Variants in LARP4B observed in about 807,000 individuals in gnomAD.
LARP4B encodes the protein La ribonucleoprotein 4B, also known as la-related protein 4B.
Under a neutral mutation model 89.8 loss-of-function variants are expected in LARP4B, and 12 were observed. The observed-to-expected ratio is 0.13, with a 90% CI of 0.09 to 0.22. The LOEUF is 0.22. LARP4B is among the 10% of genes least tolerant of loss of function. LARP4B has a pLI of 1.00. For missense variants in LARP4B, 757 were observed against 947.7 expected (o/e 0.80, Z 2.64); for synonymous variants, 367 against 363.3 (o/e 1.01, Z -0.12).
intron 3 of LARP4B, among the ~76,000 whole-genome samples, chr10:879,756 C>T (rs1359546932): frequency 1.3e-5 from 2 of 151,954 alleles, no homozygotes; most frequent in Non-Finnish European, 2.9e-5. Context: ...GTGTGAGCCA[C>T]TACATCCGGC....
At chr10:947,812 A>G in the LARP4B span, among the ~76,000 whole-genome samples, 1 of 152,054 alleles carries the variant, frequency 6.6e-6, no homozygotes. Context: ...TAGTAGAGAC[A>G]GGGTTTCTCC....
At chr10:969,591 G>A in the LARP4B span, among the ~76,000 whole-genome samples, 5 of 152,090 alleles carry the variant, frequency 3.3e-5, no homozygotes, top group African/African-American at 1.2e-4. Context: ...TTAGCCAGGC[G>A]TGGTGGCACA....
At chr10:888,439 CA>C (rs1261512734) in intron 1 of LARP4B, among the ~76,000 whole-genome samples, 2 of 151,878 alleles carry the variant, frequency 1.3e-5, no homozygotes, top group Admixed American at 1.3e-4. Flanking sequence ...ATGCTAAATT[CA>C]GATATATTTA....
Position 836,522 on chromosome 10 carries a change from A to C in LARP4B, c.647-16T>G, listed in dbSNP as rs1564394697. Reference sequence around the variant, plus strand: ...AAAGGTAAAGCTACAAAGAGAAGAAAAATCAATGGTGAAACAAAAATATTA... The same window carrying C: ...AAAGGTAAAGCTACAAAGAGAAGAACAATCAATGGTGAAACAAAAATATTA... On this transcript the variant is annotated splice_polypyrimidine_tract_variant and intron_variant, in intron 7 of 17. Coordinates refer to ENST00000316157, the MANE Select transcript of LARP4B (RefSeq NM_015155.3). 2 of 1,505,764 alleles carry C rather than the reference A, an allele frequency of 1.3e-6. No individual in the cohort carries two copies. Among genetic ancestry groups the C allele is most frequent in the African/African-American group, 1.4e-5 (1 of 72,532 alleles). 93.3% of individuals were successfully genotyped at this position (1,505,764 alleles called of 1,614,324 possible). A position where few individuals can be genotyped will look rare whatever the true frequency, so the allele number is the denominator to read the frequency against.
intron 3 of LARP4B, among the ~76,000 whole-genome samples, chr10:867,166 A>G (rs1467755346): frequency 6.6e-6 from 1 of 152,260 alleles, no homozygotes; most frequent in East Asian, 1.9e-4. Context: ...GGAAATGTTC[A>G]ATCAATGCTG....
intron 3 of LARP4B, among the ~76,000 whole-genome samples, chr10:881,310 G>A (rs1446753598): frequency 2.0e-5 from 3 of 152,158 alleles, no homozygotes; most frequent in African/African-American, 4.8e-5. Context: ...CAAGATCTTA[G>A]GAGGAATGTC....
Position 825,799 on chromosome 10 carries a change from A to G in LARP4B, c.1197T>C (p.Pro399=). The G allele has an allele frequency of 6.2e-7, 1 of 1,613,996 alleles. No homozygotes were observed. Among genetic ancestry groups the G allele is most frequent in the Non-Finnish European group, 8.5e-7 (1 of 1,179,926 alleles). The change falls in exon 12 of 18, where the codon CCT becomes CCC. Residue 399 remains proline (P), a synonymous_variant. Coordinates refer to ENST00000316157, the MANE Select transcript of LARP4B (RefSeq NM_015155.3). ...TSPAFKPAAS[P]LTSLRQYPPR... is the part of the protein sequence containing the mutation. ...GAGGATACTGTCTGAGAGAAGTCAG[A>G]GGAGACGCCGCAGGCTTGAACGCTG... is the stretch of plus-strand genomic sequence containing the variant.
chr10:888,689 T>A (rs561384243), intron 1 of LARP4B, among the ~76,000 whole-genome samples: 3 of 152,314 alleles, frequency 2.0e-5, no homozygotes, highest in South Asian at 4.2e-4. Context: ...GACAATTACG[T>A]ACCTAATTTT....
chr10:974,688 G>T, the LARP4B span, among the ~76,000 whole-genome samples: 1 of 152,188 alleles, frequency 6.6e-6, no homozygotes, highest in East Asian at 1.9e-4. Context: ...CGCCCATTAG[G>T]CCAGACTGTA....
At chr10:881,957 T>C (rs935982925) in intron 3 of LARP4B, among the ~76,000 whole-genome samples, 1 of 152,242 alleles carries the variant, frequency 6.6e-6, no homozygotes, top group Admixed American at 6.5e-5. Context: ...TCAAATTTTA[T>C]GCAGGCAGTA....
At chr10:916,574 A>C (rs1836828029) in intron 1 of LARP4B, among the ~76,000 whole-genome samples, 1 of 152,230 alleles carries the variant, frequency 6.6e-6, no homozygotes, top group Admixed American at 6.5e-5. Context: ...GCATGCCTGT[A>C]ATCCCAGATA....
intron 5 of LARP4B, among the ~76,000 whole-genome samples, chr10:859,060 G>A (rs1036669858): frequency 1.2e-4 from 18 of 152,226 alleles, no homozygotes; most frequent in Admixed American, 1.2e-3. Context: ...GCTGAGATGG[G>A]CAGAGGTCAG....
At chr10:969,871 C>G in the LARP4B span, among the ~76,000 whole-genome samples, 1 of 152,180 alleles carries the variant, frequency 6.6e-6, no homozygotes, top group Non-Finnish European at 1.5e-5. Context: ...GACGGGAGTT[C>G]GTGACCTGCA....
chr10:937,999 C>G, the LARP4B span, among the ~76,000 whole-genome samples: 4,137 of 151,482 alleles, frequency 0.027, 93 homozygotes, highest in Admixed American at 0.067. Flanking sequence ...ATTCTCGTGC[C>G]TCAGCCTCCT....
At chr10:874,619 A>G (rs1835385674) in intron 3 of LARP4B, among the ~76,000 whole-genome samples, 1 of 152,194 alleles carries the variant, frequency 6.6e-6, no homozygotes, top group South Asian at 2.1e-4. Flanking sequence ...TTTTCTTATT[A>G]TGGTTCTGAC....
the LARP4B span, among the ~76,000 whole-genome samples, chr10:981,108 T>A: frequency 5.9e-5 from 9 of 152,362 alleles, no homozygotes; most frequent in African/African-American, 2.2e-4. Flanking sequence ...AGGGCACGAC[T>A]AGAATGCAGC....
chr10:848,840 T>G (rs1228226948), intron 5 of LARP4B, among the ~76,000 whole-genome samples: 3 of 151,488 alleles, frequency 2.0e-5, no homozygotes, highest in Non-Finnish European at 4.4e-5. Flanking sequence ...CACACAGGAG[T>G]AGAGAGCACC....
At chr10:947,253 G>A in the LARP4B span, among the ~76,000 whole-genome samples, 1 of 152,150 alleles carries the variant, frequency 6.6e-6, no homozygotes, top group African/African-American at 2.4e-5. Context: ...TCATCTGCGT[G>A]TCTTGCCGGT....
At position 912,741 on chromosome 10, in the gene LARP4B, T is replaced by A. The variant is rs1029543427; in HGVS notation, c.-40+18687A>T. On this transcript the variant is annotated intron_variant, in intron 1 of 17. Transcript: ENST00000316157. ...AAAAAAAAAAATTCAAAAAAAAAAATTAGCGGGGCATGGTGGCGTGCGCCT... is the reference window on the plus strand; with the variant it reads ...AAAAAAAAAAATTCAAAAAAAAAAAATAGCGGGGCATGGTGGCGTGCGCCT... Among the ~76,000 whole-genome samples the A allele has an allele frequency of 1.0e-3, 146 of 146,102 alleles. 1 individual carries two copies. Among genetic ancestry groups the A allele is most frequent in the Non-Finnish European group, 1.5e-3 (99 of 66,160 alleles).
Sources: allele counts gnomAD v4.1 joint callset (sites outside exome capture counted in the v4.1 genomes callset), GRCh38; gene constraint gnomAD v4.1.1; transcripts MANE v1.5; gene names NCBI Gene and HGNC (gene_info 2026-07-23, HGNC 2026-07-21).